NUBP1: variants seen among roughly 807,000 people sequenced by gnomAD.
The protein encoded by NUBP1 is NUBP iron-sulfur cluster assembly factor 1, cytosolic.
A neutral mutation model predicts 41.8 loss-of-function variants in NUBP1; 46 were observed. That is an observed-to-expected ratio of 1.10 (90% CI 0.87 to 1.41). The LOEUF (loss-of-function observed/expected upper bound fraction) is 1.41. Among genes scored for constraint, NUBP1 ranks in the 40% most tolerant of loss-of-function variants. The pLI is 0.00. For missense variants in NUBP1, 494 were observed against 414.0 expected (o/e 1.19, Z -1.68); for synonymous variants, 189 against 154.6 (o/e 1.22, Z -1.65).
chr16:10,764,194 G>A (rs575660276), intron 9 of NUBP1, among the ~76,000 whole-genome samples: 8 of 148,454 alleles, frequency 5.4e-5, no homozygotes, highest in South Asian at 4.4e-4. Context: ...ATCCCAGCCC[G>A]AAGGAGCGTC....
intron 3 of NUBP1, among the ~76,000 whole-genome samples, chr16:10,752,281 C>T (rs1900354914): frequency 6.6e-6 from 1 of 152,116 alleles, no homozygotes; most frequent in South Asian, 2.1e-4. Context: ...GCCAAACAGG[C>T]GCTAGGTCCC....
In NUBP1 at chr16:10,757,340, G is replaced by C. The variant is rs1900628236; in HGVS notation, c.452-533G>C. Among the ~76,000 whole-genome samples, 1 of 152,154 alleles carries C rather than the reference G, an allele frequency of 6.6e-6. No individual in the cohort carries two copies. Among genetic ancestry groups the C allele is most frequent in the African/African-American group, 2.4e-5 (1 of 41,426 alleles). On this transcript the variant is annotated intron_variant, in intron 6 of 10. Coordinates refer to ENST00000283027, the MANE Select transcript of NUBP1 (RefSeq NM_002484.4). This position sits in a 1 kb window ranked among gnomAD's most constrained non-coding sequence, Gnocchi z 4.1. ...AAATTATTTTTATCATGGTTTTATA[G>C]TGGCTTATTTGGGTCAGAGAGGTGA...
chr16:10,743,879 C>G lies in NUBP1; in HGVS notation c.16C>G (p.His6Asp), dbSNP rs1182069218. The change falls in exon 1 of 11, where the codon CAC becomes GAC. Residue 6 changes from histidine to aspartate, a missense_variant. Physicochemically the swap from His to Asp is moderately conservative, Grantham distance 81 (BLOSUM62 -1). Coordinates refer to ENST00000283027, the MANE Select transcript of NUBP1 (RefSeq NM_002484.4). ...AGGCGACGGAATGGAGGAGGTGCCT[C>G]ACGGTAAGCTCGCGGAGGGGGCGTG... MEEVP[H>D]DCPGADSAQA... is the part of the protein sequence containing the mutation. 1.3e-6 allele frequency: 2 copies of G among 1,567,608 alleles called. No homozygotes were observed. Among genetic ancestry groups the G allele is most frequent in the Non-Finnish European group, 1.7e-6 (2 of 1,157,628 alleles).
At chr16:10,755,320 C>T (rs1168834908) in intron 4 of NUBP1, among the ~76,000 whole-genome samples, 3 of 152,168 alleles carry the variant, frequency 2.0e-5, no homozygotes, top group Non-Finnish European at 2.9e-5. Context: ...TCAGCTGTTT[C>T]GTGAGAGCTC....
Position 10,768,178 on chromosome 16 carries a change from G to A in NUBP1, c.904+146G>A. The A allele has an allele frequency of 9.5e-6, 6 of 630,278 alleles. No individual in the cohort carries two copies. The South Asian group carries it at 1.2e-4, about 13-fold the overall frequency. 39.0% of individuals were successfully genotyped at this position (630,278 alleles called of 1,614,324 possible). On this transcript the variant is annotated intron_variant, in intron 10 of 10. Transcript: ENST00000283027. The surrounding 1 kb of genome is among the most constrained non-coding windows in gnomAD (Gnocchi z 4.3). ...ATAGCCGAGGAAGCCAGGAGTCCAT[G>A]AGAAATCTCTCAATGTGTGAGTATT... is the stretch of plus-strand genomic sequence containing the variant.
rs1084550 is a variant in NUBP1, at chr16:10,749,228, C to T, written c.258+1952C>T. ...TTGCCATTTGAGGGTCAAATCTGTA[C>T]TGGCCTAGTGGGCTGGCCAAGAAAT... On this transcript the variant is annotated intron_variant, in intron 3 of 10. Coordinates refer to ENST00000283027, the MANE Select transcript of NUBP1 (RefSeq NM_002484.4). This position sits in a 1 kb window ranked among gnomAD's most constrained non-coding sequence, Gnocchi z 4.1. Among the ~76,000 whole-genome samples the T allele has an allele frequency of 0.5, 75,665 of 151,598 alleles. 21,440 individuals are homozygous for T. The highest frequency in any genetic ancestry group is 0.78 in the African/African-American group (32,301 of 41,268).
intron 3 of NUBP1, among the ~76,000 whole-genome samples, 160 bp downstream of exon 3, chr16:10,747,436 T>C (rs902554817): frequency 3.3e-5 from 5 of 152,214 alleles, no homozygotes; most frequent in African/African-American, 9.6e-5. Flanking sequence ...GAGTTTGAGA[T>C]CAGCCTGGCC....
In NUBP1 at chr16:10,765,182, A is replaced by G. The variant is rs1187900000; in HGVS notation, c.821-2767A>G. 6.6e-6 allele frequency: 1 copy of G among 152,630 alleles called. No homozygotes were observed. The highest frequency in any genetic ancestry group is 1.5e-5 in the Non-Finnish European group (1 of 68,368). The allele number at this position is 152,630 out of a possible 1,614,324, so 9.5% of individuals were successfully genotyped here. On this transcript the variant is annotated intron_variant, in intron 9 of 10. Coordinates refer to ENST00000283027, the MANE Select transcript of NUBP1 (RefSeq NM_002484.4). The surrounding 1 kb of genome is among the most constrained non-coding windows in gnomAD (Gnocchi z 4.0). ...GGCCATCACAATTGCCACATTTTCC[A>G]AGGTTTAATGAAGAGCTAGAAATCT...
chr16:10,762,034 C>A lies in NUBP1; in HGVS notation c.820+175C>A, dbSNP rs114126197. 4.5e-5 allele frequency: 25 copies of A among 559,676 alleles called. No individual in the cohort carries two copies. In the Admixed American group the frequency reaches 7.8e-4, roughly 18 times the overall value. 34.7% of individuals were successfully genotyped at this position (559,676 alleles called of 1,614,324 possible). On this transcript the variant is annotated intron_variant, in intron 9 of 10. Coordinates refer to ENST00000283027, the MANE Select transcript of NUBP1 (RefSeq NM_002484.4). ...CCCAAGAGGCCACCGGGAGAGAGGC[C>A]GAGACCCCTGCGGGCAGGTAGCGGG...
In NUBP1 at chr16:10,761,449, G is replaced by C. The variant is rs781115964; in HGVS notation, c.692G>C (p.Ser231Thr). ...ATCATCGGGGTGGTGGAGAACATGAGTGGCTTCATCTGTCCTAAGTGCAAG... is the reference window on the plus strand; with the variant it reads ...ATCATCGGGGTGGTGGAGAACATGACTGGCTTCATCTGTCCTAAGTGCAAG... ...LPIIGVVENMSGFICPKCKKE... is the reference protein window; with the variant it reads ...LPIIGVVENMTGFICPKCKKE... The change falls in exon 8 of 11, where the codon AGT becomes ACT. Residue 231 changes from serine to threonine, a missense_variant. Coordinates refer to ENST00000283027, the MANE Select transcript of NUBP1 (RefSeq NM_002484.4). 8.7e-6 allele frequency: 14 copies of C among 1,614,116 alleles called. No individual in the cohort carries two copies. Among genetic ancestry groups the C allele is most frequent in the Non-Finnish European group, 1.2e-5 (14 of 1,179,968 alleles).
intron 4 of NUBP1, among the ~76,000 whole-genome samples, chr16:10,754,214 G>GTTTATTTTATTTTATTTTATTTTAT (rs201160711): frequency 1.4e-5 from 2 of 145,986 alleles, no homozygotes; most frequent in African/African-American, 5.1e-5. Flanking sequence ...GTTTTGTGGG[G>GTTTATTTTATTTTATTTTATTTTAT]TTTATTTTAT....
Position 10,767,554 on chromosome 16 carries a change from C to T in NUBP1, c.821-395C>T, listed in dbSNP as rs2031084201. 2.2e-6 allele frequency: 1 copy of T among 451,610 alleles called. No homozygotes were observed. Among genetic ancestry groups the T allele is most frequent in the South Asian group, 6.6e-5 (1 of 15,114 alleles). 28.0% of individuals were successfully genotyped at this position (451,610 alleles called of 1,614,324 possible). On this transcript the variant is annotated intron_variant, in intron 9 of 10. Transcript: ENST00000283027. This position sits in a 1 kb window ranked among gnomAD's most constrained non-coding sequence, Gnocchi z 4.6. Reference sequence around the variant, plus strand: ...GGAAAGACACCTAGAACACTAGTAGCCCTTTTCGGACTTGGCCTTTTATGC... The same window carrying T: ...GGAAAGACACCTAGAACACTAGTAGTCCTTTTCGGACTTGGCCTTTTATGC...
intron 5 of NUBP1, among the ~76,000 whole-genome samples, chr16:10,756,397 AAAT>A (rs1259943683): frequency 2.4e-5 from 2 of 83,044 alleles, no homozygotes; most frequent in African/African-American, 1.2e-4. Flanking sequence ...AAAAATAAAA[AAAT>A]AAAAGAGTTA....
Position 10,766,461 on chromosome 16 carries a change from C to T in NUBP1, c.821-1488C>T, listed in dbSNP as rs1041572326. Among the ~76,000 whole-genome samples the T allele has an allele frequency of 1.1e-4, 16 of 152,052 alleles. No individual in the cohort carries two copies. The highest frequency in any genetic ancestry group is 3.4e-4 in the African/African-American group (14 of 41,388). On this transcript the variant is annotated intron_variant, in intron 9 of 10. Coordinates refer to ENST00000283027, the MANE Select transcript of NUBP1 (RefSeq NM_002484.4). The surrounding 1 kb of genome is among the most constrained non-coding windows in gnomAD (Gnocchi z 4.8). ...ATATGTGTGTTGGGGGCTGGGGAGC[C>T]CTCTGGGGAAGGGAGACCTGGGTGA...
rs184237046 is a variant in NUBP1 at position 10,756,659 on chromosome 16, G to A, written c.361-31G>A. The A allele has an allele frequency of 3.4e-4, 498 of 1,485,934 alleles. 3 individuals carry two copies. The African/African-American group carries it at 6.2e-3, about 18-fold the overall frequency. The allele number at this position is 1,485,934 out of a possible 1,614,324, so 92.0% of individuals were successfully genotyped here. A position where few individuals can be genotyped will look rare whatever the true frequency, so the allele number is the denominator to read the frequency against. On this transcript the variant is annotated intron_variant, in intron 5 of 10. Coordinates refer to ENST00000283027, the MANE Select transcript of NUBP1 (RefSeq NM_002484.4). Reference sequence around the variant, plus strand: ...CTCACTGTGTGGTTTTGAGTAAAGCGTGTCTTGCCCTCACCCTGTTCCCTC... The same window carrying A: ...CTCACTGTGTGGTTTTGAGTAAAGCATGTCTTGCCCTCACCCTGTTCCCTC...
intron 2 of NUBP1, among the ~76,000 whole-genome samples, chr16:10,745,651 G>A (rs1049164097): frequency 6.6e-6 from 1 of 152,312 alleles, no homozygotes; most frequent in African/African-American, 2.4e-5. Flanking sequence ...ATTAAAAGGG[G>A]AAAAAGCATG....
chr16:10,761,447 GAGTGGCTTCATCTGTCCTA>G lies in NUBP1; in HGVS notation c.695_713del (p.Gly232AlafsTer36). 1 of 1,614,110 alleles carries G rather than the reference GAGTGGCTTCATCTGTCCTA, an allele frequency of 6.2e-7. No individual in the cohort carries two copies. The highest frequency in any genetic ancestry group is 1.3e-5 in the African/African-American group (1 of 75,044). ...CCATCATCGGGGTGGTGGAGAACAT[GAGTGGCTTCATCTGTCCTA>G]AGTGCAAGGTGAGGGCGCGTGGGGC... On this transcript the variant is annotated frameshift_variant, in exon 8 of 11. Coordinates refer to ENST00000283027, the MANE Select transcript of NUBP1 (RefSeq NM_002484.4). LOFTEE classifies it high-confidence loss of function.
intron 3 of NUBP1, among the ~76,000 whole-genome samples, chr16:10,751,748 T>A (rs777843818): frequency 1.3e-4 from 20 of 152,176 alleles, no homozygotes; most frequent in Non-Finnish European, 2.8e-4. Flanking sequence ...CATCTTACTT[T>A]AAGTTTCTGT....
At chr16:10,762,536 C>A (rs934338736) in intron 9 of NUBP1, among the ~76,000 whole-genome samples, 1 of 152,230 alleles carries the variant, frequency 6.6e-6, no homozygotes, top group Non-Finnish European at 1.5e-5. Context: ...AGGCTGCTGT[C>A]CCCCAGGACC....
Sources: allele counts gnomAD v4.1 joint callset (sites outside exome capture counted in the v4.1 genomes callset), GRCh38; gene constraint gnomAD v4.1.1; non-coding constraint Gnocchi (gnomAD v3.1); transcripts MANE v1.5; gene names NCBI Gene and HGNC (gene_info 2026-07-23, HGNC 2026-07-21).